The following SPECC1L variants were observed in gnomAD, a reference collection of about 807,000 sequenced individuals.
The protein encoded by SPECC1L is sperm antigen with calponin homology and coiled-coil domains 1 like.
SPECC1L carries 40 observed loss-of-function variants against 116.8 expected under a neutral mutation model. The observed-to-expected ratio is 0.34, with a 90% CI of 0.27 to 0.45. The LOEUF (loss-of-function observed/expected upper bound fraction) is 0.45, where lower values mean the gene tolerates loss of function less well. SPECC1L is among the 20% of genes least tolerant of loss of function. SPECC1L has a pLI of 1.00. For missense variants in SPECC1L, 1,110 were observed against 1,373.6 expected (o/e 0.81, Z 3.03); for synonymous variants, 504 against 500.6 (o/e 1.01, Z -0.09).
At chr22:24,346,457 C>A (rs1366660897) in intron 10 of SPECC1L, among the ~76,000 whole-genome samples, 1 of 152,156 alleles carries the variant, frequency 6.6e-6, no homozygotes, top group Non-Finnish European at 1.5e-5. Flanking sequence ...TTTATTTGAA[C>A]CAGGACTTGA....
chr22:24,354,410 A>C (rs1043222397), intron 11 of SPECC1L, among the ~76,000 whole-genome samples: 19 of 152,168 alleles, frequency 1.2e-4, no homozygotes, highest in African/African-American at 4.3e-4. Context: ...TTCTATTGAC[A>C]TCATTCATTT....
intron 2 of SPECC1L, among the ~76,000 whole-genome samples, chr22:24,280,557 T>A (rs559697352): frequency 2.6e-4 from 39 of 151,502 alleles, no homozygotes; most frequent in African/African-American, 9.0e-4. Flanking sequence ...TGTGAATGAA[T>A]GTGACTATGT....
rs142916195 is a variant in SPECC1L at position 24,347,832 on chromosome 22, C to T, written c.2743+656C>T. ...CTGGGACTACAGGCGCACACCACCA[C>T]GCTCAGATAATTTTTGTATTTTTAG... On this transcript the variant is annotated intron_variant, in intron 11 of 16. Coordinates refer to ENST00000314328, the MANE Select transcript of SPECC1L (RefSeq NM_015330.6). Among the ~76,000 whole-genome samples, 1,062 of 152,236 alleles carry T rather than the reference C, an allele frequency of 7.0e-3. 3 individuals carry two copies. Among genetic ancestry groups the T allele is most frequent in the Non-Finnish European group, 0.01 (694 of 68,026 alleles).
At chr22:24,317,850 C>T (rs555465700) in intron 4 of SPECC1L, among the ~76,000 whole-genome samples, 3 of 151,238 alleles carry the variant, frequency 2.0e-5, no homozygotes, top group African/African-American at 7.3e-5. Flanking sequence ...TCAGATGGTG[C>T]GGCCGGGCAG....
chr22:24,411,519 G>A (rs113651497), intron 14 of SPECC1L, 69 bp from the exon 15 acceptor site: 81 of 1,413,546 alleles, frequency 5.7e-5, no homozygotes, highest in African/African-American at 2.7e-4. Context: ...GGCCTCCTGC[G>A]TCCTCCTTGG....
intron 2 of SPECC1L, among the ~76,000 whole-genome samples, chr22:24,298,005 T>C (rs1465691877): frequency 2.6e-5 from 4 of 152,236 alleles, no homozygotes; most frequent in Non-Finnish European, 4.4e-5. Context: ...ATTTATCAAC[T>C]TAACTTTATC....
At chr22:24,370,411 A>T (rs2041850404) in intron 14 of SPECC1L, among the ~76,000 whole-genome samples, 1 of 149,936 alleles carries the variant, frequency 6.7e-6, no homozygotes, top group Admixed American at 6.6e-5. Context: ...CCACTGGCTA[A>T]CAAAGGAGAT....
chr22:24,332,342 T>C (rs2040954714), intron 8 of SPECC1L, among the ~76,000 whole-genome samples: 1 of 152,358 alleles, frequency 6.6e-6, no homozygotes, highest in Admixed American at 6.5e-5. Context: ...TTAGAAAATC[T>C]GTCTAATTCA....
chr22:24,299,083 A>T (rs1052632762), intron 2 of SPECC1L, among the ~76,000 whole-genome samples: 1 of 152,194 alleles, frequency 6.6e-6, no homozygotes, highest in Non-Finnish European at 1.5e-5. Flanking sequence ...TTCAACTTAG[A>T]GATGTGGATT....
At position 24,368,020 on chromosome 22, in the gene SPECC1L, G is replaced by A. The variant is rs9620381; in HGVS notation, c.2985-1198G>A. Among the ~76,000 whole-genome samples the A allele has an allele frequency of 8.2e-4, 125 of 152,226 alleles. 1 individual carries two copies. Among genetic ancestry groups the A allele is most frequent in the African/African-American group, 2.9e-3 (119 of 41,538 alleles). ...AGAGTGTGACCAAAAGGGAAGATACGGTGCAGAATGAGTAGAATTGGAAGT... is the reference window on the plus strand; with the variant it reads ...AGAGTGTGACCAAAAGGGAAGATACAGTGCAGAATGAGTAGAATTGGAAGT... On this transcript the variant is annotated intron_variant, in intron 13 of 16. Coordinates refer to ENST00000314328, the MANE Select transcript of SPECC1L (RefSeq NM_015330.6).
intron 2 of SPECC1L, among the ~76,000 whole-genome samples, chr22:24,300,017 T>G (rs2049345325): frequency 6.6e-6 from 1 of 152,224 alleles, no homozygotes; most frequent in African/African-American, 2.4e-5. Flanking sequence ...TTTTTTGTTC[T>G]TTATTTAAAA....
At chr22:24,284,564 A>G (rs2049006286) in intron 2 of SPECC1L, among the ~76,000 whole-genome samples, 1 of 151,922 alleles carries the variant, frequency 6.6e-6, no homozygotes, top group Non-Finnish European at 1.5e-5. Context: ...CCTCCCGAGT[A>G]GCTGGGACTA....
intron 14 of SPECC1L, among the ~76,000 whole-genome samples, chr22:24,377,314 C>T (rs115442877): frequency 6.7e-6 from 1 of 150,114 alleles, no homozygotes; most frequent in East Asian, 1.9e-4. Context: ...CTGTTAAGAA[C>T]TTTTTTTTTT....
intron 12 of SPECC1L, among the ~76,000 whole-genome samples, chr22:24,364,356 T>C (rs1449462350): frequency 6.6e-6 from 1 of 152,198 alleles, no homozygotes; most frequent in African/African-American, 2.4e-5. Flanking sequence ...GTCTTATTGA[T>C]TTAGTTTTTT....
intron 3 of SPECC1L, among the ~76,000 whole-genome samples, chr22:24,305,096 CAG>C (rs1454723728): frequency 6.6e-6 from 1 of 152,142 alleles, no homozygotes; most frequent in Non-Finnish European, 1.5e-5. Context: ...GGAAAAATAG[CAG>C]AGAGCCTGCT....
intron 2 of SPECC1L, among the ~76,000 whole-genome samples, chr22:24,295,510 A>G (rs1253050139): frequency 1.3e-5 from 2 of 151,772 alleles, no homozygotes; most frequent in Admixed American, 6.6e-5. Context: ...TCTTCCAATT[A>G]GTATGATTAC....
At chr22:24,382,906 GA>G (rs958437848) in intron 14 of SPECC1L, among the ~76,000 whole-genome samples, 2 of 152,128 alleles carry the variant, frequency 1.3e-5, no homozygotes, top group African/African-American at 4.8e-5. Context: ...TAAAGAGAAA[GA>G]GGGTAGTAAA....
chr22:24,296,703 T>G (rs2049270787), intron 2 of SPECC1L, among the ~76,000 whole-genome samples: 1 of 152,252 alleles, frequency 6.6e-6, no homozygotes, highest in South Asian at 2.1e-4. Flanking sequence ...GGGAGGAGTG[T>G]CAGCCAGTGA....
chr22:24,356,044 A>T (rs2041526974), intron 11 of SPECC1L, among the ~76,000 whole-genome samples: 1 of 152,068 alleles, frequency 6.6e-6, no homozygotes. Context: ...TCATCCCTAC[A>T]GTTGTACCTT....
Sources: gnomAD v4.1 joint callset for allele counts (sites outside exome capture counted in the v4.1 genomes callset) on GRCh38, gnomAD v4.1.1 for gene constraint, MANE v1.5 for transcripts, NCBI Gene and HGNC (gene_info 2026-07-23, HGNC 2026-07-21) for gene names.